DMD: variants seen among roughly 807,000 people sequenced by gnomAD.
DMD encodes mutant dystrophin.
A neutral mutation model predicts 330.1 loss-of-function variants in DMD; 63 were observed. That is an observed-to-expected ratio of 0.19 (90% CI 0.16 to 0.24). DMD has a LOEUF of 0.24. Among genes scored for constraint, DMD ranks in the 10% least tolerant of loss-of-function variants. The pLI is 1.00. For synonymous variants in DMD, 1,223 were observed against 959.8 expected, an observed-to-expected ratio of 1.27 and a Z score of -5.07; for missense variants, 3,344 against 2,684.1, an observed-to-expected ratio of 1.25 and a Z score of -5.43.
At chrX:31,997,428 G>GTT (rs778180108) in intron 44 of DMD, among the ~76,000 whole-genome samples, 4,621 of 98,880 alleles carry the variant, frequency 0.047, 103 homozygotes, top group Non-Finnish European at 0.064. Context: ...ATTTTTTTTT[G>GTT]TTTTTTGTTT....
intron 1 of DMD, among the ~76,000 whole-genome samples, chrX:33,164,597 A>G (rs1043334148): frequency 8.0e-5 from 9 of 112,413 alleles, no homozygotes; most frequent in Non-Finnish European, 1.5e-4. Flanking sequence ...AGGAGTCATT[A>G]TTACTACACT....
chrX:32,600,095 C>A (rs1044857781), intron 12 of DMD, among the ~76,000 whole-genome samples: 1 of 111,555 alleles, frequency 9.0e-6, no homozygotes, highest in African/African-American at 3.3e-5. Context: ...ATTATTTAAA[C>A]CTGACTTTTC....
At chrX:32,036,935 AC>A (rs771302267) in intron 44 of DMD, among the ~76,000 whole-genome samples, 2 of 111,295 alleles carry the variant, frequency 1.8e-5, no homozygotes, top group East Asian at 5.7e-4. Flanking sequence ...ACTGTAGAGG[AC>A]CCACCAAATT....
intron 12 of DMD, among the ~76,000 whole-genome samples, chrX:32,597,630 AT>A (rs1287757551): frequency 2.7e-5 from 3 of 111,896 alleles, no homozygotes; most frequent in Non-Finnish European, 3.8e-5. Context: ...TGAAAAAATC[AT>A]TTCCCCCTAT....
At chrX:32,130,741 T>A (rs1350794146) in intron 44 of DMD, among the ~76,000 whole-genome samples, 1 of 111,848 alleles carries the variant, frequency 8.9e-6, no homozygotes, top group Admixed American at 9.5e-5. Flanking sequence ...CCTCTGTCAC[T>A]ATTCAGGTTC....
At chrX:31,974,805 T>C (rs777998942) in intron 44 of DMD, among the ~76,000 whole-genome samples, 2 of 110,765 alleles carry the variant, frequency 1.8e-5, no homozygotes, top group Non-Finnish European at 3.8e-5. Context: ...GAAGGAAAAT[T>C]ATGTACAGTA....
chrX:32,205,578 T>TAG (rs1456941486), intron 44 of DMD, among the ~76,000 whole-genome samples: 17 of 111,571 alleles, frequency 1.5e-4, no homozygotes, highest in East Asian at 8.5e-4. Context: ...ATGTTTCAAT[T>TAG]GTTTAAATGT....
chrX:31,877,095 AAG>A (rs1241724105), intron 47 of DMD, among the ~76,000 whole-genome samples: 3 of 112,178 alleles, frequency 2.7e-5, no homozygotes, highest in Non-Finnish European at 5.6e-5. Context: ...GGAGATGAAA[AAG>A]AGAAAGTTGT....
At chrX:32,885,091 A>C (rs2084388739) in intron 2 of DMD, among the ~76,000 whole-genome samples, 1 of 111,982 alleles carries the variant, frequency 8.9e-6, no homozygotes, top group Non-Finnish European at 1.9e-5. Context: ...TTTATTAAAA[A>C]TTATTTTTCT....
chrX:31,633,083 T>C (rs991338641), intron 54 of DMD, among the ~76,000 whole-genome samples: 1 of 111,824 alleles, frequency 8.9e-6, no homozygotes, highest in African/African-American at 3.2e-5. Flanking sequence ...TCTCCTCTGT[T>C]ATGAAACTGT....
At chrX:32,638,247 G>T (rs1203551791) in intron 11 of DMD, among the ~76,000 whole-genome samples, 1 of 111,490 alleles carries the variant, frequency 9.0e-6, no homozygotes, top group African/African-American at 3.3e-5. Context: ...CACCCATGGG[G>T]TATGATATCA....
At chrX:32,888,397 G>A (rs929880890) in intron 2 of DMD, among the ~76,000 whole-genome samples, 2 of 110,557 alleles carry the variant, frequency 1.8e-5, no homozygotes, top group Admixed American at 9.7e-5. Context: ...GGAAACAAAT[G>A]GACAACAGGT....
intron 2 of DMD, among the ~76,000 whole-genome samples, chrX:32,896,438 G>T (rs1318140496): frequency 8.9e-6 from 1 of 111,886 alleles, no homozygotes. Context: ...GTCACATGTA[G>T]AATTGGAATT....
intron 44 of DMD, among the ~76,000 whole-genome samples, chrX:32,153,447 TCAC>T (rs752019186): frequency 1.9e-4 from 21 of 109,417 alleles, no homozygotes; most frequent in African/African-American, 6.7e-4. Context: ...TTTAAAAAAA[TCAC>T]CAAAATCTCA....
chrX:32,324,451 C>T (rs753633486), intron 41 of DMD, among the ~76,000 whole-genome samples: 2 of 110,891 alleles, frequency 1.8e-5, no homozygotes, highest in African/African-American at 6.5e-5. Flanking sequence ...CACAATGCTG[C>T]GTTAATGGTG....
At position 31,126,623 on chromosome X, in the gene DMD, G is replaced by T. The variant is rs398123850; in HGVS notation, c.11046+19C>A. The T allele has an allele frequency of 1.0e-5, 12 of 1,193,874 alleles. No individual in the cohort carries two copies. Among genetic ancestry groups the T allele is most frequent in the Non-Finnish European group, 1.3e-5 (11 of 879,833 alleles). On this transcript the variant is annotated intron_variant, in intron 78 of 78. Coordinates refer to ENST00000357033, the MANE Select transcript of DMD (RefSeq NM_004006.3). ...TGAGACAGACAGAAGCCATGGCCGTGAGCCTGAATCTCACTAACCTCTCTC... is the reference window on the plus strand; with the variant it reads ...TGAGACAGACAGAAGCCATGGCCGTTAGCCTGAATCTCACTAACCTCTCTC...
At position 32,362,928 on chromosome X, in the gene DMD, G is replaced by A. The variant is rs1160354036; in HGVS notation, c.5185C>T (p.Pro1729Ser). 8.3e-7 allele frequency: 1 copy of A among 1,210,867 alleles called. No individual in the cohort carries two copies. Among genetic ancestry groups the A allele is most frequent in the African/African-American group, 1.7e-5 (1 of 57,577 alleles). Residue 1729 changes from proline to serine, a missense_variant, in exon 37 of 79, where the codon CCA becomes TCA. Physicochemically the swap from Pro to Ser is moderately conservative, Grantham distance 74. Coordinates refer to ENST00000357033, the MANE Select transcript of DMD (RefSeq NM_004006.3). ...TGGTCACGTGTAGAGTCCACCTTTG[G>A]GCGTATGTCATTCAGTTCTGCCTTT... The part of the protein sequence containing the change: ...RLKAELNDIR[P>S]KVDSTRDQAA...
chrX:32,667,714 C>CAAATGT (rs1411054890), intron 9 of DMD, among the ~76,000 whole-genome samples: 3 of 109,486 alleles, frequency 2.7e-5, no homozygotes, highest in Non-Finnish European at 5.7e-5. Flanking sequence ...GTCTATTTGA[C>CAAATGT]ACTGGGTCGG....
intron 48 of DMD, among the ~76,000 whole-genome samples, chrX:31,846,351 T>C (rs770021916): frequency 9.1e-6 from 1 of 109,666 alleles, no homozygotes; most frequent in Non-Finnish European, 1.9e-5. Context: ...GTAAACTTAC[T>C]AGATATATCT....
Sources: allele counts gnomAD v4.1 joint callset (sites outside exome capture counted in the v4.1 genomes callset), GRCh38; gene constraint gnomAD v4.1.1; transcripts MANE v1.5; gene names NCBI Gene and HGNC (gene_info 2026-07-23, HGNC 2026-07-21).